The following ELMO1 variants were observed in gnomAD, a reference collection of about 807,000 sequenced individuals.
ELMO1 encodes the protein engulfment and cell motility 1.
ELMO1 carries 26 observed loss-of-function variants against 98.9 expected under a neutral mutation model. The observed-to-expected ratio is 0.26, with a 90% confidence interval of 0.19 to 0.36. The LOEUF is 0.36. ELMO1 is among the 10% of genes least tolerant of loss of function. The probability of loss-of-function intolerance (pLI) is 1.00; values close to 1 mark genes in which losing one functional copy is unlikely to be tolerated. For synonymous variants in ELMO1, 346 were observed against 346.0 expected (o/e 1.00, Z 0.00); for missense variants, 627 against 935.2 (o/e 0.67, Z 4.30).
intron 16 of ELMO1, among the ~76,000 whole-genome samples, chr7:36,999,789 T>A (rs2129160673): frequency 6.6e-6 from 1 of 152,198 alleles, no homozygotes; most frequent in African/African-American, 2.4e-5. Flanking sequence ...GTGTGTGTGT[T>A]TGAATCTGCA....
rs1157296908 is a variant in ELMO1 at position 37,197,779 on chromosome 7, G to A, written c.1086+13607C>T. Among the ~76,000 whole-genome samples the A allele has an allele frequency of 3.3e-5, 5 of 152,054 alleles. No individual in the cohort carries two copies. In the South Asian group the frequency reaches 6.2e-4, roughly 19 times the overall value. On this transcript the variant is annotated intron_variant, in intron 13 of 21. Transcript: ENST00000310758. The stretch of plus-strand genomic sequence containing the variant: ...ATGATCCTACTAGAGGCAAAATCAC[G>A]AGTACAAGCACCTACAGAAAATCAT...
In ELMO1 at chr7:37,026,138, T is replaced by A. The variant is rs568664637; in HGVS notation, c.1301-12703A>T. ...AGAGAAGTGGCGCATTAAGAGACTG[T>A]CATATGGCAAATTTACTGTGGATAT... On this transcript the variant is annotated intron_variant, in intron 15 of 21. Transcript: ENST00000310758. 3.3e-4 allele frequency among the ~76,000 whole-genome samples: 50 copies of A among 152,242 alleles called. 1 individual carries two copies. In the South Asian group the frequency reaches 0.01, roughly 31 times the overall value.
At chr7:37,200,245 T>TTAA (rs1554441147) in intron 13 of ELMO1, among the ~76,000 whole-genome samples, 5 of 80 alleles carry the variant, frequency 0.062, no homozygotes, top group Admixed American at 0.2. Context: ...AGCTAATTAA[T>TTAA]TTTTTTTTTT....
intron 4 of ELMO1, among the ~76,000 whole-genome samples, chr7:37,282,685 G>A (rs1490362233): frequency 6.6e-6 from 1 of 152,206 alleles, no homozygotes; most frequent in Non-Finnish European, 1.5e-5. Context: ...AAGAAAAAGT[G>A]GTCAGCTGCT....
chr7:37,338,878 G>A (rs1465830071), intron 2 of ELMO1, among the ~76,000 whole-genome samples: 1 of 152,084 alleles, frequency 6.6e-6, no homozygotes, highest in Non-Finnish European at 1.5e-5. Context: ...AGAAGCTCCT[G>A]GGGATTTTTC....
chr7:37,431,981 A>C (rs1804951040), intron 1 of ELMO1, among the ~76,000 whole-genome samples: 1 of 152,160 alleles, frequency 6.6e-6, no homozygotes, highest in Non-Finnish European at 1.5e-5. Context: ...TCTCAGCCTC[A>C]AGCGATTCTC....
intron 1 of ELMO1, among the ~76,000 whole-genome samples, chr7:37,380,675 A>G (rs1464277541): frequency 1.3e-5 from 2 of 152,252 alleles, no homozygotes; most frequent in African/African-American, 4.8e-5. Context: ...AGGAAAATAC[A>G]GAGTTAGGTC....
intron 1 of ELMO1, among the ~76,000 whole-genome samples, chr7:37,429,043 TGTTGTTG>T (rs1442813859): frequency 6.6e-6 from 1 of 152,022 alleles, no homozygotes; most frequent in Admixed American, 6.6e-5. Context: ...TTGTTGTTGT[TGTTGTTG>T]TTGTTATTTT....
At position 37,314,925 on chromosome 7, in the gene ELMO1, T is replaced by TA. The variant is rs764447939; in HGVS notation, c.120-4dup. 15 of 1,613,414 alleles carry TA rather than the reference T, an allele frequency of 9.3e-6. No homozygotes were observed. Among genetic ancestry groups the TA allele is most frequent in the Non-Finnish European group, 1.3e-5 (15 of 1,179,714 alleles). ...ATTCATGGTTGGCAAGAGACCACCT[T>TA]AAAAATACAAGCGTATACTGATTAG... On this transcript the variant is annotated splice_region_variant and splice_polypyrimidine_tract_variant and intron_variant, in intron 3 of 21. Transcript: ENST00000310758.
At chr7:36,908,455 C>T (rs908363609) in intron 16 of ELMO1, among the ~76,000 whole-genome samples, 1 of 151,844 alleles carries the variant, frequency 6.6e-6, no homozygotes, top group Non-Finnish European at 1.5e-5. Context: ...AATGTTCTTG[C>T]TACTTGTTTA....
At chr7:37,035,576 C>CT (rs1412920562) in intron 15 of ELMO1, among the ~76,000 whole-genome samples, 1 of 152,226 alleles carries the variant, frequency 6.6e-6, no homozygotes, top group Non-Finnish European at 1.5e-5. Context: ...TGTCAGGCAA[C>CT]TGCAGCTGCA....
At chr7:37,197,860 T>C (rs1241212197) in intron 13 of ELMO1, among the ~76,000 whole-genome samples, 1 of 152,158 alleles carries the variant, frequency 6.6e-6, no homozygotes, top group Non-Finnish European at 1.5e-5. Flanking sequence ...CAGGACCCCA[T>C]CACCACTCAG....
intron 4 of ELMO1, among the ~76,000 whole-genome samples, chr7:37,279,356 A>C (rs1184595169): frequency 6.6e-6 from 1 of 152,214 alleles, no homozygotes; most frequent in African/African-American, 2.4e-5. Context: ...ACTAGATTGC[A>C]GCTCCGGACA....
chr7:37,015,910 A>G (rs1793902333), intron 15 of ELMO1, among the ~76,000 whole-genome samples: 1 of 152,200 alleles, frequency 6.6e-6, no homozygotes, highest in African/African-American at 2.4e-5. Flanking sequence ...AGAGATGGCA[A>G]ATGTGAAGTT....
At chr7:37,132,624 C>T (rs1787001719) in intron 14 of ELMO1, among the ~76,000 whole-genome samples, 2 of 152,152 alleles carry the variant, frequency 1.3e-5, no homozygotes, top group South Asian at 4.1e-4. Context: ...AAATAGAGTC[C>T]CCCACTTCCT....
chr7:37,420,985 A>T (rs758007699), intron 1 of ELMO1, among the ~76,000 whole-genome samples: 12 of 152,220 alleles, frequency 7.9e-5, no homozygotes, highest in Non-Finnish European at 1.2e-4. Flanking sequence ...CTCAGATTTC[A>T]CTGCTGCAAA....
chr7:37,191,896 G>A (rs1378866338), intron 13 of ELMO1, among the ~76,000 whole-genome samples: 2 of 146,820 alleles, frequency 1.4e-5, no homozygotes, highest in African/African-American at 4.9e-5. Context: ...CCGCCTGGGC[G>A]AAAGAGGAAG....
intron 1 of ELMO1, among the ~76,000 whole-genome samples, chr7:37,347,500 G>A (rs546753952): frequency 3.0e-5 from 4 of 132,182 alleles, no homozygotes; most frequent in South Asian, 5.4e-4. Context: ...CTATTCTTAC[G>A]GTACTATTCT....
intron 21 of ELMO1, among the ~76,000 whole-genome samples, chr7:36,858,933 GTTCT>G (rs1802405167): frequency 6.6e-6 from 1 of 152,200 alleles, no homozygotes. Context: ...ATAAATTTGT[GTTCT>G]TTAACACTAA....
Sources: allele counts gnomAD v4.1 joint callset (sites outside exome capture counted in the v4.1 genomes callset), GRCh38; gene constraint gnomAD v4.1.1; transcripts MANE v1.5; gene names NCBI Gene and HGNC (gene_info 2026-07-23, HGNC 2026-07-21).